NOC2L: variants seen among roughly 807,000 people sequenced by gnomAD.
The protein encoded by NOC2L is NOC2 like nucleolar associated transcriptional repressor.
A neutral mutation model predicts 94.2 loss-of-function variants in NOC2L; 101 were observed. The observed-to-expected ratio is 1.07, with a 90% CI of 0.91 to 1.26. The LOEUF is 1.26. Ranked by LOEUF, NOC2L falls within the 50% of genes most tolerant of loss-of-function variation. The pLI, the probability that NOC2L is intolerant of heterozygous loss-of-function variation, is 0.00. For synonymous variants in NOC2L, 531 were observed against 413.4 expected, an observed-to-expected ratio of 1.28 and a Z score of -3.45; for missense variants, 1,076 against 980.1, an observed-to-expected ratio of 1.10 and a Z score of -1.31.
At position 948,512 on chromosome 1, in the gene NOC2L, T is replaced by C. The variant is rs762655000; in HGVS notation, c.1535A>G (p.Asn512Ser). The C allele has an allele frequency of 2.5e-6, 4 of 1,612,832 alleles. No individual in the cohort carries two copies. The highest frequency in any genetic ancestry group is 1.1e-5 in the South Asian group (1 of 91,064). The change falls in exon 13 of 19, where the codon AAC (asparagine) becomes AGC (serine). Residue 512 changes from asparagine to serine, a missense_variant. By Grantham distance (46) the Asn-to-Ser change is conservative. Around this residue, in one of 3 missense-constraint regions of NOC2L, gnomAD observed 615 missense variants for 577.4 expected, o/e 1.07. Coordinates refer to ENST00000327044, the MANE Select transcript of NOC2L (RefSeq NM_015658.4). ...FSVILKLSNV[N>S]LQEKAYRDGL... The stretch of plus-strand genomic sequence containing the variant: ...CACCCGGTACGCCTTCTCCTGCAGG[T>C]TGACATTGGACAGCTTCAGGATCAC...
At chr1:957,443 C>G in intron 2 of NOC2L, 170 bp from the exon 3 acceptor site, 1 of 638,210 alleles carries the variant, frequency 1.6e-6, no homozygotes, top group Non-Finnish European at 2.7e-6. Flanking sequence ...ACCTCTACAA[C>G]ATACCCTCAA....
In NOC2L at chr1:945,047, G is replaced by A. The variant is rs1642058113; in HGVS notation, c.2143+10C>T. ...ACAGGGCCACACCCTCTCACCCCAAGACCATTCACCCTCCGAGTTGCTGCT... is the reference window on the plus strand; with the variant it reads ...ACAGGGCCACACCCTCTCACCCCAAAACCATTCACCCTCCGAGTTGCTGCT... On this transcript the variant is annotated intron_variant, in intron 18 of 18. Coordinates refer to ENST00000327044, the MANE Select transcript of NOC2L (RefSeq NM_015658.4). 1.2e-6 allele frequency: 2 copies of A among 1,613,962 alleles called. No homozygotes were observed. The highest frequency in any genetic ancestry group is 1.7e-5 in the Admixed American group (1 of 59,996).
Position 951,108 on chromosome 1 carries a change from C to A in NOC2L, c.1443+19G>T, listed in dbSNP as rs1246133689. 2 of 1,535,490 alleles carry A rather than the reference C, an allele frequency of 1.3e-6. No homozygotes were observed. Among genetic ancestry groups the A allele is most frequent in the Non-Finnish European group, 1.8e-6 (2 of 1,129,686 alleles). On this transcript the variant is annotated intron_variant, in intron 12 of 18. Transcript: ENST00000327044. Reference sequence around the variant, plus strand: ...AGGAGCAGGCAGAGGTGCCACACGCCCACCACAGCCTCACTCACCTCCAGG... The same window carrying A: ...AGGAGCAGGCAGAGGTGCCACACGCACACCACAGCCTCACTCACCTCCAGG...
chr1:959,135 C>A (rs977148988), intron 1 of NOC2L, 54 bp from the exon 2 acceptor site: 2 of 1,611,934 alleles, frequency 1.2e-6, no homozygotes, highest in East Asian at 4.5e-5. Context: ...GCCCCAGCCC[C>A]GCTGAGAGGA....
Position 945,506 on chromosome 1 carries a change from C to A in NOC2L, c.2053+12G>T, listed in dbSNP as rs536004461. On this transcript the variant is annotated intron_variant, in intron 17 of 18. Transcript: ENST00000327044. ...GCCCACCCTTCCCCTGGGAGCACCA[C>A]GCAGGCCCCACCTCTCTCCGAGAAT... 6 of 1,613,284 alleles carry A rather than the reference C, an allele frequency of 3.7e-6. No homozygotes were observed. The South Asian group carries it at 5.5e-5, about 15-fold the overall frequency.
intron 12 of NOC2L, among the ~76,000 whole-genome samples, chr1:950,310 C>T (rs1158518211): frequency 6.6e-6 from 1 of 151,756 alleles, no homozygotes; most frequent in African/African-American, 2.4e-5. Flanking sequence ...TACATAGATG[C>T]ACGCAGACAC....
intron 17 of NOC2L, 57 bp from the exon 18 acceptor site, chr1:945,203 G>C: frequency 6.5e-7 from 1 of 1,541,988 alleles, no homozygotes; most frequent in Non-Finnish European, 8.8e-7. Context: ...CACCAGCAAA[G>C]TCACAGTGGG....
In NOC2L at chr1:956,312, C is replaced by T. The variant is rs538334587; in HGVS notation, c.487-97G>A. ...CAGAGAAAGGCACCCTCACCCTCAC[C>T]CTCAGACATAGGGCAGAGGTTGGGG... On this transcript the variant is annotated intron_variant, in intron 4 of 18. Transcript: ENST00000327044. The T allele has an allele frequency of 8.3e-6, 12 of 1,441,510 alleles. No homozygotes were observed. The African/African-American group carries it at 1.3e-4, about 15-fold the overall frequency. The allele number at this position is 1,441,510 out of a possible 1,614,324, so 89.3% of individuals were successfully genotyped here. A position where few individuals can be genotyped will look rare whatever the true frequency, so the allele number is the denominator to read the frequency against.
Position 944,334 on chromosome 1 carries a change from G to A in NOC2L, c.*360C>T, listed in dbSNP as rs549000335. On this transcript the variant is annotated 3_prime_UTR_variant, in exon 19 of 19. Transcript: ENST00000327044. ...AAAGACTTGGGGGAGTGAAGGCAGA[G>A]CCTGGTGCAGATGGACGAGGTCTGC... 1.5e-5 allele frequency: 21 copies of A among 1,382,620 alleles called. No homozygotes were observed. Among genetic ancestry groups the A allele is most frequent in the Middle Eastern group, 5.3e-4 (2 of 3,792 alleles). 85.6% of individuals were successfully genotyped at this position (1,382,620 alleles called of 1,614,324 possible). A position where few individuals can be genotyped will look rare whatever the true frequency, so the allele number is the denominator to read the frequency against.
intron 16 of NOC2L, 86 bp downstream of exon 16, chr1:946,087 C>G: frequency 9.6e-7 from 1 of 1,043,350 alleles, no homozygotes; most frequent in Non-Finnish European, 1.4e-6. Flanking sequence ...GTTTCCAAAC[C>G]CTCGCCCTGG....
chr1:954,724 G>T (rs28631199), intron 6 of NOC2L, among the ~76,000 whole-genome samples: 1 of 151,886 alleles, frequency 6.6e-6, no homozygotes, highest in African/African-American at 2.4e-5. Flanking sequence ...TTACTTGGGA[G>T]GCTAAGGTGA....
intron 4 of NOC2L, among the ~76,000 whole-genome samples, 158 bp downstream of exon 4, chr1:956,736 C>A (rs548674721): frequency 1.3e-5 from 2 of 152,334 alleles, no homozygotes; most frequent in South Asian, 4.1e-4. Flanking sequence ...TGGAGAACAG[C>A]CCCTCCCACC....
chr1:950,818 C>T (rs1345134616), intron 12 of NOC2L, among the ~76,000 whole-genome samples: 1 of 152,148 alleles, frequency 6.6e-6, no homozygotes, highest in African/African-American at 2.4e-5. Flanking sequence ...GTGTACAGTT[C>T]AGCAATCAGA....
intron 16 of NOC2L, 93 bp from the exon 17 acceptor site, chr1:945,746 C>T: frequency 2.0e-6 from 3 of 1,506,592 alleles, no homozygotes; most frequent in South Asian, 1.2e-5. Context: ...CCACCAGGGC[C>T]CCATGTGGCC....
chr1:944,391 G>C lies in NOC2L; in HGVS notation c.*303C>G. 4 of 1,276,636 alleles carry C rather than the reference G, an allele frequency of 3.1e-6. No homozygotes were observed. The highest frequency in any genetic ancestry group is 4.0e-5 in the South Asian group (2 of 50,478). The allele number at this position is 1,276,636 out of a possible 1,614,324, so 79.1% of individuals were successfully genotyped here. ...AGGGCAGAGGTGGTGGAAGGGGCCA[G>C]GGGCCTGCAGGCCTCCCCCTGGAAC... On this transcript the variant is annotated 3_prime_UTR_variant, in exon 19 of 19. Transcript: ENST00000327044.
chr1:950,161 C>A (rs1431370249), intron 12 of NOC2L, among the ~76,000 whole-genome samples: 3 of 152,142 alleles, frequency 2.0e-5, no homozygotes, highest in African/African-American at 7.2e-5. Flanking sequence ...CGCACAGGCA[C>A]ACACAAGCAG....
chr1:954,079 C>T lies in NOC2L; in HGVS notation c.702G>A (p.Met234Ile). ...FGKVAKDSSR[M>I]LQPSSSPLWG... ...AGAGCGGGCTGCTGGACGGCTGCAG[C>T]ATCCTGCAGAGAGACCACCCACCCC... Residue 234 changes from methionine to isoleucine, a missense_variant, in exon 7 of 19, where the codon ATG becomes ATA. Met to Ile is a conservative substitution (Grantham distance 10, BLOSUM62 1). Transcript: ENST00000327044. The T allele has an allele frequency of 6.2e-7, 1 of 1,611,362 alleles. No individual in the cohort carries two copies. The highest frequency in any genetic ancestry group is 8.5e-7 in the Non-Finnish European group (1 of 1,178,612).
intron 12 of NOC2L, among the ~76,000 whole-genome samples, chr1:949,765 CT>C (rs1333329026): frequency 6.6e-6 from 1 of 152,228 alleles, no homozygotes; most frequent in Non-Finnish European, 1.5e-5. Flanking sequence ...TCAGAGACCA[CT>C]GCTGGCTGCC....
chr1:945,001 G>A (rs1304688430), intron 18 of NOC2L, 56 bp downstream of exon 18: 4 of 1,611,870 alleles, frequency 2.5e-6, no homozygotes, highest in African/African-American at 1.3e-5. Flanking sequence ...ACGTGGCTCT[G>A]CCCTCCCGCC....
Sources: allele counts gnomAD v4.1 joint callset (sites outside exome capture counted in the v4.1 genomes callset), GRCh38; gene constraint gnomAD v4.1.1; regional missense constraint gnomAD v4.1.1; transcripts MANE v1.5; gene names NCBI Gene and HGNC (gene_info 2026-07-23, HGNC 2026-07-21).